The following CEP15 variants were observed in gnomAD, a reference collection of about 807,000 sequenced individuals.
CEP15 encodes centrosomal protein 15.
the CEP15 span, chr3:62,335,930 A>C: frequency 3.9e-5 from 6 of 152,266 alleles, no homozygotes; most frequent in African/African-American, 1.4e-4. Flanking sequence ...ACTTGAAAAA[A>C]AATTAAGAAG....
At chr3:62,334,718 G>A in the CEP15 span, 5 of 151,866 alleles carry the variant, frequency 3.3e-5, no homozygotes, top group African/African-American at 9.7e-5. This position sits in a 1 kb window ranked among gnomAD's most constrained non-coding sequence, Gnocchi z 4.9. Flanking sequence ...GAGGAAGGAA[G>A]AAAAAAGAAA....
the CEP15 span, chr3:62,331,330 A>G: frequency 0.017 from 27,369 of 1,612,678 alleles, 368 homozygotes; most frequent in Middle Eastern, 0.059. Context: ...TACAGGATAT[A>G]GAAGCAGCAG....
chr3:62,325,075 G>T, the CEP15 span, among the ~76,000 whole-genome samples: 1 of 152,124 alleles, frequency 6.6e-6, no homozygotes, highest in Non-Finnish European at 1.5e-5. Context: ...GTTCACATTA[G>T]CAATAAAATT....
chr3:62,321,967 A>G, the CEP15 span: 2 of 1,606,352 alleles, frequency 1.2e-6, no homozygotes, highest in African/African-American at 2.7e-5. The surrounding 1 kb of genome is among the most constrained non-coding windows in gnomAD (Gnocchi z 4.1). Context: ...ACAAATGGAG[A>G]ATAAATTGGG....
At chr3:62,322,491 C>T in the CEP15 span, 1 of 162,494 alleles carries the variant, frequency 6.2e-6, no homozygotes, top group Non-Finnish European at 1.3e-5. This position sits in a 1 kb window ranked among gnomAD's most constrained non-coding sequence, Gnocchi z 5.5. Context: ...ACTAGGTAAA[C>T]ACACAGAATT....
chr3:62,329,205 TA>T, the CEP15 span, among the ~76,000 whole-genome samples: 2 of 152,114 alleles, frequency 1.3e-5, no homozygotes, highest in Non-Finnish European at 1.5e-5. Context: ...TTTGAAAATT[TA>T]AATGGCAGGT....
chr3:62,319,042 C>T, the CEP15 span: 2 of 152,282 alleles, frequency 1.3e-5, no homozygotes, highest in Non-Finnish European at 2.9e-5. Flanking sequence ...CGGAAGGGCT[C>T]AGAGGCGGGC....
At chr3:62,321,571 CTA>C in the CEP15 span, among the ~76,000 whole-genome samples, 1 of 152,030 alleles carries the variant, frequency 6.6e-6, no homozygotes, top group African/African-American at 2.4e-5. The surrounding 1 kb of genome is among the most constrained non-coding windows in gnomAD (Gnocchi z 4.1). Flanking sequence ...GTATATATAA[CTA>C]TGTGTACAAA....
chr3:62,331,138 G>A, the CEP15 span, among the ~76,000 whole-genome samples: 1 of 151,934 alleles, frequency 6.6e-6, no homozygotes, highest in African/African-American at 2.4e-5. Context: ...AAGAAATGCT[G>A]TATTCTTTAT....
At chr3:62,335,430 T>C in the CEP15 span, 4 of 140,116 alleles carry the variant, frequency 2.9e-5, no homozygotes, top group Non-Finnish European at 4.6e-5. Flanking sequence ...CCTTGTAGAC[T>C]GTAACAGATT....
the CEP15 span, among the ~76,000 whole-genome samples, chr3:62,332,785 G>C: frequency 6.6e-6 from 1 of 151,138 alleles, no homozygotes; most frequent in Non-Finnish European, 1.5e-5. Context: ...TTGTATTTCA[G>C]TTCCTGATCT....
chr3:62,331,338 C>T, the CEP15 span: 3 of 1,612,698 alleles, frequency 1.9e-6, no homozygotes, highest in Non-Finnish European at 2.5e-6. Context: ...ATAGAAGCAG[C>T]AGAAAAGTCA....
the CEP15 span, among the ~76,000 whole-genome samples, chr3:62,329,801 A>G: frequency 5.9e-5 from 9 of 152,348 alleles, no homozygotes; most frequent in Non-Finnish European, 8.8e-5. Context: ...TCTGCCACTA[A>G]CAATAATCTT....
At chr3:62,333,276 G>A in the CEP15 span, 3 of 1,610,242 alleles carry the variant, frequency 1.9e-6, no homozygotes, top group South Asian at 1.1e-5. This position sits in a 1 kb window ranked among gnomAD's most constrained non-coding sequence, Gnocchi z 4.0. Context: ...GGCATCAGTA[G>A]AAGAATATAT....
At chr3:62,322,073 A>G in the CEP15 span, 1 of 1,597,066 alleles carries the variant, frequency 6.3e-7, no homozygotes, top group East Asian at 2.2e-5. The surrounding 1 kb of genome is among the most constrained non-coding windows in gnomAD (Gnocchi z 5.5). Flanking sequence ...CATGACTTGA[A>G]TATAGAGATT....
At chr3:62,326,249 C>G in the CEP15 span, among the ~76,000 whole-genome samples, 3 of 152,160 alleles carry the variant, frequency 2.0e-5, no homozygotes, top group African/African-American at 7.2e-5. Context: ...TTACAGGACC[C>G]TATCTCTCCT....
At chr3:62,333,138 G>A in the CEP15 span, 2 of 844,224 alleles carry the variant, frequency 2.4e-6, no homozygotes, top group Non-Finnish European at 3.7e-6. The surrounding 1 kb of genome is among the most constrained non-coding windows in gnomAD (Gnocchi z 4.0). Flanking sequence ...ATATGTGTGT[G>A]TGTGTGTGTG....
At chr3:62,331,044 T>C in the CEP15 span, among the ~76,000 whole-genome samples, 1 of 152,132 alleles carries the variant, frequency 6.6e-6, no homozygotes, top group Non-Finnish European at 1.5e-5. Context: ...ACACTCTTGG[T>C]GCATGAATTA....
chr3:62,335,527 CA>C, the CEP15 span: 1 of 150,518 alleles, frequency 6.6e-6, no homozygotes, highest in African/African-American at 2.4e-5. Context: ...TTCCTCATGG[CA>C]AATTAGCTTT....
Sources: allele counts gnomAD v4.1 joint callset (sites outside exome capture counted in the v4.1 genomes callset), GRCh38; gene constraint gnomAD v4.1.1; non-coding constraint Gnocchi (gnomAD v3.1); transcripts MANE v1.5; gene names NCBI Gene and HGNC (gene_info 2026-07-23, HGNC 2026-07-21).